The following DAB1 variants were observed in gnomAD, a reference collection of about 807,000 sequenced individuals.
DAB1 encodes the protein disabled homolog 1.
DAB1 carries 15 observed loss-of-function variants against 64.6 expected under a neutral mutation model. That is an observed-to-expected ratio of 0.23 (90% CI 0.16 to 0.36). DAB1 has a LOEUF of 0.36. Among genes scored for constraint, DAB1 ranks in the 10% least tolerant of loss-of-function variants. The pLI, the probability that DAB1 is intolerant of heterozygous loss-of-function variation, is 1.00. For synonymous variants in DAB1, 235 were observed against 251.9 expected (o/e 0.93, Z 0.64); for missense variants, 596 against 706.7 (o/e 0.84, Z 1.78).
intron 7 of DAB1, among the ~76,000 whole-genome samples, chr1:57,496,077 A>C (rs989754585): frequency 4.6e-5 from 7 of 152,344 alleles, no homozygotes; most frequent in African/African-American, 1.7e-4. Flanking sequence ...TTCTCTCTTT[A>C]GTAAGAATTT....
intron 3 of DAB1, among the ~76,000 whole-genome samples, chr1:58,386,477 C>T (rs1239785934): frequency 6.6e-6 from 1 of 151,986 alleles, no homozygotes; most frequent in Non-Finnish European, 1.5e-5. Context: ...TCATGACAAC[C>T]TTATGTGGTT....
intron 2 of DAB1, among the ~76,000 whole-genome samples, chr1:57,190,761 G>A (rs756485015): frequency 1.2e-4 from 19 of 152,112 alleles, no homozygotes; most frequent in Non-Finnish European, 2.1e-4. Context: ...GTACCAAGAG[G>A]CAACTCCATG....
At chr1:57,837,738 T>C (rs1351553529) in intron 1 of DAB1, among the ~76,000 whole-genome samples, 2 of 152,012 alleles carry the variant, frequency 1.3e-5, no homozygotes, top group African/African-American at 4.8e-5. Context: ...ATTTAATACT[T>C]GAGCAGTCTT....
chr1:57,606,563 A>G (rs11588587), intron 7 of DAB1, among the ~76,000 whole-genome samples: 24,823 of 106,762 alleles, frequency 0.23, 3,723 homozygotes, highest in East Asian at 0.31. Context: ...TATATTATAT[A>G]TTATATATGA....
intron 6 of DAB1, among the ~76,000 whole-genome samples, chr1:57,668,497 C>T (rs4483433): frequency 0.57 from 86,389 of 151,924 alleles, 25,568 homozygotes; most frequent in Non-Finnish European, 0.66. Flanking sequence ...GGCATAATTT[C>T]GAAATGTGTT....
At chr1:57,160,647 C>T (rs1660656569) in intron 2 of DAB1, among the ~76,000 whole-genome samples, 1 of 152,168 alleles carries the variant, frequency 6.6e-6, no homozygotes, top group African/African-American at 2.4e-5. Flanking sequence ...GCTGGATCTA[C>T]AGTCAAAGGT....
chr1:57,676,349 C>A (rs998002697), intron 6 of DAB1, among the ~76,000 whole-genome samples: 2 of 152,196 alleles, frequency 1.3e-5, no homozygotes, highest in Non-Finnish European at 2.9e-5. Context: ...TAAGAATGAT[C>A]GAGTCTCAGT....
intron 5 of DAB1, among the ~76,000 whole-genome samples, chr1:57,897,094 T>TA (rs544160478): frequency 4.6e-5 from 7 of 152,120 alleles, no homozygotes; most frequent in South Asian, 2.1e-4. Context: ...TCTGCATCTG[T>TA]AAAAAAAGTA....
intron 6 of DAB1, among the ~76,000 whole-genome samples, chr1:57,667,040 A>G (rs116654605): frequency 1.5e-3 from 233 of 152,158 alleles, no homozygotes; most frequent in African/African-American, 5.1e-3. Context: ...TGCTCTTCCT[A>G]CTACTTGCTC....
chr1:57,265,769 G>A (rs970788216), intron 2 of DAB1, among the ~76,000 whole-genome samples: 4 of 152,142 alleles, frequency 2.6e-5, no homozygotes, highest in Non-Finnish European at 4.4e-5. Context: ...TGTGACAGAC[G>A]GAGAGCAGGC....
chr1:57,091,994 T>C (rs1183920270), intron 4 of DAB1, among the ~76,000 whole-genome samples: 1 of 152,168 alleles, frequency 6.6e-6, no homozygotes, highest in Non-Finnish European at 1.5e-5. Flanking sequence ...TTCAGATGCA[T>C]CATTGACTCT....
intron 6 of DAB1, among the ~76,000 whole-genome samples, chr1:57,684,141 C>A (rs1399013383): frequency 6.6e-6 from 1 of 152,000 alleles, no homozygotes; most frequent in East Asian, 1.9e-4. Context: ...AAACTTATGA[C>A]TCATTGATAT....
intron 6 of DAB1, among the ~76,000 whole-genome samples, chr1:57,692,965 G>T (rs1284628157): frequency 6.6e-6 from 1 of 151,956 alleles, no homozygotes; most frequent in Non-Finnish European, 1.5e-5. Flanking sequence ...CCCCTTTCTA[G>T]GTCCCATAAC....
intron 6 of DAB1, among the ~76,000 whole-genome samples, chr1:57,707,894 G>T (rs1486677711): frequency 6.6e-6 from 1 of 152,140 alleles, no homozygotes; most frequent in East Asian, 1.9e-4. Context: ...TGCCTTGGTG[G>T]ACTTGGGTAG....
chr1:58,363,104 T>A (rs933047149), intron 3 of DAB1, among the ~76,000 whole-genome samples: 3 of 152,172 alleles, frequency 2.0e-5, no homozygotes, highest in Admixed American at 6.5e-5. Context: ...TAACTTCACC[T>A]GTCCCCTAAT....
At chr1:57,806,298 T>C (rs1434098221) in intron 6 of DAB1, among the ~76,000 whole-genome samples, 1 of 152,158 alleles carries the variant, frequency 6.6e-6, no homozygotes, top group African/African-American at 2.4e-5. Flanking sequence ...AATGTGATCA[T>C]ATTTGGGGAT....
chr1:57,118,368 A>G (rs1022180232), intron 4 of DAB1, among the ~76,000 whole-genome samples: 4 of 152,238 alleles, frequency 2.6e-5, no homozygotes, highest in Non-Finnish European at 5.9e-5. Context: ...TGTTTGGACA[A>G]GACACAACAT....
chr1:57,783,195 G>A lies in DAB1; in HGVS notation n.551+100804C>T, dbSNP rs142326955. ...CATGATCTCTGCTCACTGCAGCATC[G>A]ACCTCCCAGGCTCAAGCAATCCTCT... is the stretch of plus-strand genomic sequence containing the variant. On this transcript the variant is annotated intron_variant and non_coding_transcript_variant, in intron 6 of 20. Transcript: ENST00000485760. Among the ~76,000 whole-genome samples, 481 of 138,928 alleles carry A rather than the reference G, an allele frequency of 3.5e-3. 5 individuals carry two copies. The highest frequency in any genetic ancestry group is 0.012 in the African/African-American group (455 of 37,440). 91.1% of individuals were successfully genotyped at this position (138,928 alleles called of 152,430 possible). A position where few individuals can be genotyped will look rare whatever the true frequency, so the allele number is the denominator to read the frequency against.
intron 3 of DAB1, among the ~76,000 whole-genome samples, chr1:58,376,094 A>G (rs968791483): frequency 5.3e-5 from 8 of 152,062 alleles, no homozygotes; most frequent in African/African-American, 1.7e-4. Context: ...TCTTGCTAGC[A>G]GTCTATCAAT....
Sources: gnomAD v4.1 joint callset for allele counts (sites outside exome capture counted in the v4.1 genomes callset) on GRCh38, gnomAD v4.1.1 for gene constraint, MANE v1.5 for transcripts, NCBI Gene and HGNC (gene_info 2026-07-23, HGNC 2026-07-21) for gene names.